Variants in WT1 observed in about 807,000 individuals in gnomAD.
The protein encoded by WT1 is Wilms tumor protein.
A neutral mutation model predicts 60.8 loss-of-function variants in WT1; 8 were observed. That is an observed-to-expected ratio of 0.13 (90% CI 0.08 to 0.24). The LOEUF (loss-of-function observed/expected upper bound fraction) is 0.24. WT1 is among the 10% of genes least tolerant of loss of function. WT1 has a pLI of 1.00. For missense variants in WT1, 568 were observed against 711.8 expected (o/e 0.80, Z 2.30); for synonymous variants, 312 against 297.1 (o/e 1.05, Z -0.52).
At chr11:32,392,805 C>T in intron 7 of WT1, 50 bp from the exon 8 acceptor site, 1 of 1,572,238 alleles carries the variant, frequency 6.4e-7, no homozygotes, top group Non-Finnish European at 8.7e-7. Flanking sequence ...AAAAGGGGAT[C>T]TCATTAAAGG....
At chr11:32,422,144 T>C (rs1273737833) in intron 3 of WT1, among the ~76,000 whole-genome samples, 1 of 152,228 alleles carries the variant, frequency 6.6e-6, no homozygotes, top group Non-Finnish European at 1.5e-5. Context: ...CCCTTTGAGG[T>C]GCTTTGCAGC....
At chr11:32,424,601 A>G (rs1331056681) in intron 3 of WT1, among the ~76,000 whole-genome samples, 1 of 152,166 alleles carries the variant, frequency 6.6e-6, no homozygotes, top group African/African-American at 2.4e-5. Context: ...ATATGAGAGG[A>G]GAGGGTAAGG....
intron 5 of WT1, among the ~76,000 whole-genome samples, chr11:32,403,193 G>A (rs1222895547): frequency 6.6e-6 from 1 of 151,590 alleles, no homozygotes; most frequent in African/African-American, 2.4e-5. Flanking sequence ...ATGGGGACTT[G>A]GGTCTCCAAA....
chr11:32,391,269 A>AC (rs1851809018), intron 9 of WT1, among the ~76,000 whole-genome samples: 1 of 152,226 alleles, frequency 6.6e-6, no homozygotes. Context: ...GGCATGAGCC[A>AC]CCACAGCCGG....
At chr11:32,403,203 A>T (rs888823459) in intron 5 of WT1, among the ~76,000 whole-genome samples, 1 of 152,084 alleles carries the variant, frequency 6.6e-6, no homozygotes, top group Non-Finnish European at 1.5e-5. Context: ...GGGTCTCCAA[A>T]GGACAAACAC....
At chr11:32,418,995 A>G (rs1852769061) in intron 3 of WT1, among the ~76,000 whole-genome samples, 1 of 152,182 alleles carries the variant, frequency 6.6e-6, no homozygotes, top group African/African-American at 2.4e-5. Context: ...GTGTATCTGG[A>G]CGCCGTCACT....
intron 1 of WT1, chr11:32,430,561 G>A (rs770062804): frequency 1.9e-6 from 3 of 1,610,464 alleles, no homozygotes; most frequent in Admixed American, 1.7e-5. Flanking sequence ...GGAGTAGGCA[G>A]GGACCCAGGG....
At chr11:32,428,204 A>G (rs1590394947) in intron 2 of WT1, 146 bp from the exon 3 acceptor site, 1 of 905,410 alleles carries the variant, frequency 1.1e-6, no homozygotes, top group East Asian at 2.7e-5. Context: ...GGCCGTCCAG[A>G]ATGCAAGAAG....
chr11:32,388,719 CGA>C lies in WT1; in HGVS notation c.*337_*338del, dbSNP rs1564967093. 1 of 391,822 alleles carries C rather than the reference CGA, an allele frequency of 2.6e-6. No individual in the cohort carries two copies. The highest frequency in any genetic ancestry group is 4.7e-6 in the Non-Finnish European group (1 of 213,388). The allele number at this position is 391,822 out of a possible 1,614,324, so 24.3% of individuals were successfully genotyped here. A position where few individuals can be genotyped will look rare whatever the true frequency, so the allele number is the denominator to read the frequency against. ...ACAATAATTCCATCCCCAGCGAAAA[CGA>C]GCATAAAAAAAGAAGGGAAGGGTCA... On this transcript the variant is annotated 3_prime_UTR_variant, in exon 10 of 10. Coordinates refer to ENST00000452863, the MANE Select transcript of WT1 (RefSeq NM_024426.6).
intron 1 of WT1, among the ~76,000 whole-genome samples, chr11:32,433,368 G>A (rs1853372936): frequency 2.0e-5 from 3 of 152,238 alleles, no homozygotes; most frequent in Admixed American, 2.0e-4. Flanking sequence ...AGGCTTCGCG[G>A]GGGCCGGGTG....
chr11:32,420,618 C>T lies in WT1; in HGVS notation c.888-2964G>A, dbSNP rs574664553. On this transcript the variant is annotated intron_variant, in intron 3 of 9. Coordinates refer to ENST00000452863, the MANE Select transcript of WT1 (RefSeq NM_024426.6). Reference sequence around the variant, plus strand: ...CCCAGTGCTGGCATGCCTGAGCCCCCACCCTCACTCTGCCCTGCCCCTATG... The same window carrying T: ...CCCAGTGCTGGCATGCCTGAGCCCCTACCCTCACTCTGCCCTGCCCCTATG... Among the ~76,000 whole-genome samples the T allele has an allele frequency of 6.6e-5, 10 of 152,164 alleles. No homozygotes were observed. The East Asian group carries it at 1.9e-3, about 29-fold the overall frequency.
chr11:32,406,199 G>A (rs1019798911), intron 5 of WT1, among the ~76,000 whole-genome samples: 1 of 152,124 alleles, frequency 6.6e-6, no homozygotes, highest in African/African-American at 2.4e-5. Flanking sequence ...CCAGTTTTCT[G>A]GAAGGTCATT....
chr11:32,399,803 G>A (rs1852091242), intron 6 of WT1, 145 bp downstream of exon 6: 6 of 868,454 alleles, frequency 6.9e-6, no homozygotes, highest in South Asian at 2.9e-5. Flanking sequence ...CCCAGGGGAC[G>A]AGCAGGTGTC....
intron 3 of WT1, among the ~76,000 whole-genome samples, chr11:32,417,885 A>T (rs571671340): frequency 6.6e-6 from 1 of 152,206 alleles, no homozygotes; most frequent in Non-Finnish European, 1.5e-5. Context: ...AGCATTTTTT[A>T]AAACCTTTGT....
At chr11:32,400,854 C>A (rs890905989) in intron 5 of WT1, among the ~76,000 whole-genome samples, 2 of 152,222 alleles carry the variant, frequency 1.3e-5, no homozygotes, top group African/African-American at 2.4e-5. Context: ...CCCACACCAG[C>A]AGCACATTAG....
intron 3 of WT1, 89 bp from the exon 4 acceptor site, chr11:32,417,743 T>C (rs1590375790): frequency 1.7e-6 from 2 of 1,149,378 alleles, no homozygotes; most frequent in Non-Finnish European, 2.6e-6. Context: ...TTAACTTTTC[T>C]TGAAAGTGCA....
intron 5 of WT1, among the ~76,000 whole-genome samples, chr11:32,408,652 G>A (rs1031008699): frequency 2.6e-5 from 4 of 151,352 alleles, no homozygotes; most frequent in African/African-American, 4.9e-5. Flanking sequence ...GGGGAGAGAG[G>A]ACCAAGTTTA....
chr11:32,392,906 T>C (rs1457919581), intron 7 of WT1, 151 bp from the exon 8 acceptor site: 1 of 690,462 alleles, frequency 1.4e-6, no homozygotes, highest in African/African-American at 1.8e-5. Flanking sequence ...AACTTGCAAG[T>C]TACAAATGAA....
At chr11:32,417,853 AG>A (rs1251808335) in intron 3 of WT1, among the ~76,000 whole-genome samples, 199 bp from the exon 4 acceptor site, 2 of 152,334 alleles carry the variant, frequency 1.3e-5, no homozygotes, top group African/African-American at 4.8e-5. Context: ...ACACAGCAGA[AG>A]GGATGTGAGA....
Sources: allele counts gnomAD v4.1 joint callset (sites outside exome capture counted in the v4.1 genomes callset), GRCh38; gene constraint gnomAD v4.1.1; transcripts MANE v1.5; gene names NCBI Gene and HGNC (gene_info 2026-07-23, HGNC 2026-07-21).